Variants in MRAS observed in about 807,000 individuals in gnomAD.
MRAS encodes muscle RAS oncogene homolog.
A neutral mutation model predicts 20.9 loss-of-function variants in MRAS; 4 were observed. That is an observed-to-expected ratio of 0.19 (90% CI 0.09 to 0.44). MRAS has a LOEUF of 0.44. Ranked by LOEUF, MRAS falls within the 20% of genes least tolerant of loss-of-function variation. The pLI is 0.99. For missense variants in MRAS, 154 were observed against 277.5 expected (o/e 0.56, Z 3.16); for synonymous variants, 98 against 102.9 (o/e 0.95, Z 0.29).
chr3:138,378,512 G>A (rs933415665), intron 2 of MRAS, among the ~76,000 whole-genome samples: 6 of 152,096 alleles, frequency 3.9e-5, no homozygotes, highest in East Asian at 1.9e-4. Flanking sequence ...CTTCCTCCCC[G>A]TCTGGTCCCT....
rs199877683 is a variant in MRAS at position 138,370,475 on chromosome 3, C to T, written c.-18-2391C>T. 6.6e-5 allele frequency among the ~76,000 whole-genome samples: 10 copies of T among 152,234 alleles called. No individual in the cohort carries two copies. In the East Asian group the frequency reaches 1.9e-3, roughly 30 times the overall value. On this transcript the variant is annotated intron_variant, in intron 1 of 5. Coordinates refer to ENST00000423968, the MANE Select transcript of MRAS (RefSeq NM_001085049.3). ...AGGCCACTGGGCCACCCCTCCCTCC[C>T]CATTTCTGTCACCCTGCAACTCCCC...
chr3:138,401,313 T>C (rs2055355093), intron 5 of MRAS, among the ~76,000 whole-genome samples: 1 of 152,178 alleles, frequency 6.6e-6, no homozygotes, highest in Non-Finnish European at 1.5e-5. Flanking sequence ...GCCTATATGC[T>C]GGCACCTCCA....
intron 1 of MRAS, among the ~76,000 whole-genome samples, chr3:138,367,534 C>T (rs2054584850): frequency 6.6e-6 from 1 of 152,200 alleles, no homozygotes; most frequent in South Asian, 2.1e-4. Context: ...AAAGGTTATA[C>T]TGGGGTGATC....
At chr3:138,393,497 A>C (rs887739443) in intron 2 of MRAS, among the ~76,000 whole-genome samples, 3 of 152,150 alleles carry the variant, frequency 2.0e-5, no homozygotes, top group Non-Finnish European at 4.4e-5. Flanking sequence ...TATAATTTCT[A>C]AGACCTTCAA....
intron 1 of MRAS, among the ~76,000 whole-genome samples, chr3:138,361,527 G>T (rs2054447162): frequency 6.6e-6 from 1 of 152,210 alleles, no homozygotes; most frequent in Admixed American, 6.5e-5. Flanking sequence ...AAGAGAATTT[G>T]GGGCAGAGAG....
At chr3:138,367,428 C>T (rs776502647) in intron 1 of MRAS, among the ~76,000 whole-genome samples, 1 of 152,122 alleles carries the variant, frequency 6.6e-6, no homozygotes, top group Admixed American at 6.5e-5. Context: ...CCCTGACCTC[C>T]CAAGCTGTCC....
intron 1 of MRAS, among the ~76,000 whole-genome samples, chr3:138,364,892 C>T (rs1393924954): frequency 6.6e-6 from 1 of 152,232 alleles, no homozygotes; most frequent in East Asian, 1.9e-4. Flanking sequence ...TTGGGGGTGT[C>T]TTCTACTCTG....
At chr3:138,372,137 T>C (rs568338213) in intron 1 of MRAS, among the ~76,000 whole-genome samples, 1 of 152,060 alleles carries the variant, frequency 6.6e-6, no homozygotes, top group African/African-American at 2.4e-5. Flanking sequence ...TGGTACCCAC[T>C]CCATTTTGAC....
At chr3:138,348,274 C>T (rs1322643032), upstream of MRAS, 2 of 152,252 alleles carry the variant, frequency 1.3e-5, no homozygotes, top group African/African-American at 4.8e-5. Flanking sequence ...GTCGAATTCC[C>T]ACTCGGCGTC....
At chr3:138,386,874 TC>T (rs2055027152) in intron 2 of MRAS, among the ~76,000 whole-genome samples, 1 of 152,246 alleles carries the variant, frequency 6.6e-6, no homozygotes, top group Non-Finnish European at 1.5e-5. Context: ...CTGTGAATGT[TC>T]ATGTGCAAAT....
At chr3:138,380,625 C>CT (rs1378236356) in intron 2 of MRAS, among the ~76,000 whole-genome samples, 1 of 147,764 alleles carries the variant, frequency 6.8e-6, no homozygotes, top group African/African-American at 2.6e-5. Context: ...CTTTCTGTCT[C>CT]TATGTATTTA....
intron 1 of MRAS, among the ~76,000 whole-genome samples, chr3:138,366,141 T>A (rs938754072): frequency 4.6e-5 from 7 of 152,152 alleles, no homozygotes; most frequent in African/African-American, 1.7e-4. Context: ...AGCTTGCAGG[T>A]CAGCGCTCTG....
At chr3:138,377,333 G>A (rs941394954) in intron 2 of MRAS, among the ~76,000 whole-genome samples, 1 of 152,218 alleles carries the variant, frequency 6.6e-6, no homozygotes, top group African/African-American at 2.4e-5. Flanking sequence ...TTGGCCGGGT[G>A]CGGTGGCTCA....
chr3:138,381,286 G>A (rs2054898130), intron 2 of MRAS, among the ~76,000 whole-genome samples: 2 of 152,184 alleles, frequency 1.3e-5, no homozygotes, highest in Admixed American at 1.3e-4. Context: ...GGTTAGGGAT[G>A]GAAGGCTGCT....
intron 3 of MRAS, among the ~76,000 whole-genome samples, chr3:138,397,731 T>G (rs1368606238): frequency 6.6e-6 from 1 of 152,086 alleles, no homozygotes; most frequent in East Asian, 1.9e-4. Flanking sequence ...TTGAGCAAAT[T>G]CCATTAAAGA....
intron 1 of MRAS, among the ~76,000 whole-genome samples, chr3:138,364,327 TTGA>T (rs1409157065): frequency 2.0e-5 from 3 of 152,150 alleles, no homozygotes; most frequent in African/African-American, 7.2e-5. Flanking sequence ...AAGAAGGATG[TTGA>T]TGATGGTAAC....
At chr3:138,385,354 C>T (rs1289380930) in intron 2 of MRAS, among the ~76,000 whole-genome samples, 1 of 150,456 alleles carries the variant, frequency 6.6e-6, no homozygotes, top group Admixed American at 6.6e-5. Flanking sequence ...ACTTTGTTGC[C>T]CAGACTGGTC....
intron 1 of MRAS, 80 bp from the exon 2 acceptor site, chr3:138,372,786 A>T: frequency 1.9e-6 from 2 of 1,066,638 alleles, no homozygotes; most frequent in Admixed American, 3.3e-5. Context: ...GTATTACTTT[A>T]TAAAGGAGGA....
intron 5 of MRAS, among the ~76,000 whole-genome samples, chr3:138,400,932 A>G (rs950977096): frequency 6.6e-6 from 1 of 152,084 alleles, no homozygotes; most frequent in Non-Finnish European, 1.5e-5. Context: ...TTCTCCTCAC[A>G]CCAAAGCTTT....
Sources: gnomAD v4.1 joint callset for allele counts (sites outside exome capture counted in the v4.1 genomes callset) on GRCh38, gnomAD v4.1.1 for gene constraint, MANE v1.5 for transcripts, NCBI Gene and HGNC (gene_info 2026-07-23, HGNC 2026-07-21) for gene names.